Variants in CTNNA3 observed in about 807,000 individuals in gnomAD.
CTNNA3 encodes catenin alpha-3.
A neutral mutation model predicts 95.7 loss-of-function variants in CTNNA3; 76 were observed. That is an observed-to-expected ratio of 0.79 (90% confidence interval 0.66 to 0.96). CTNNA3 has a LOEUF of 0.96. Among genes scored for constraint, CTNNA3 ranks in the 40% least tolerant of loss-of-function variants. The probability of loss-of-function intolerance (pLI) is 0.00; values close to 1 mark genes in which losing one functional copy is unlikely to be tolerated. For synonymous variants in CTNNA3, 431 were observed against 374.4 expected, an observed-to-expected ratio of 1.15 and a Z score of -1.74; for missense variants, 1,191 against 1,089.8, an observed-to-expected ratio of 1.09 and a Z score of -1.31.
chr10:66,424,010 C>T (rs1050335505), intron 11 of CTNNA3, among the ~76,000 whole-genome samples: 1 of 152,080 alleles, frequency 6.6e-6, no homozygotes, highest in Non-Finnish European at 1.5e-5. Flanking sequence ...TTCTACTTTA[C>T]TTGTCTATTT....
chr10:67,157,542 T>C (rs527611680), intron 7 of CTNNA3, among the ~76,000 whole-genome samples: 2 of 152,198 alleles, frequency 1.3e-5, no homozygotes, highest in Non-Finnish European at 2.9e-5. Flanking sequence ...GACTAGGTCC[T>C]ACAGTAAATA....
Position 66,201,790 on chromosome 10 carries a change from T to TC in CTNNA3, c.1884+78679_1884+78680insG, listed in dbSNP as rs1343299989. ...GCTGTCTTTTTACTTTTTCTTTTTT[T>TC]TTTTTTTTTTTTTTTGAGATAGAGT... On this transcript the variant is annotated intron_variant, in intron 13 of 17. Transcript: ENST00000433211. 9.9e-4 allele frequency among the ~76,000 whole-genome samples: 137 copies of TC among 138,740 alleles called. 1 individual carries two copies. The highest frequency in any genetic ancestry group is 3.4e-3 in the African/African-American group (132 of 38,352). 91.0% of individuals were successfully genotyped at this position (138,740 alleles called of 152,430 possible).
intron 5 of CTNNA3, among the ~76,000 whole-genome samples, chr10:67,368,284 A>G (rs1263851577): frequency 2.0e-5 from 3 of 152,162 alleles, no homozygotes; most frequent in Non-Finnish European, 4.4e-5. Context: ...TTATTAAGGA[A>G]ATAGAAGTTA....
intron 7 of CTNNA3, among the ~76,000 whole-genome samples, chr10:66,864,460 G>A (rs1359384198): frequency 6.6e-6 from 1 of 152,104 alleles, no homozygotes; most frequent in Non-Finnish European, 1.5e-5. Context: ...CCATCCTCCA[G>A]AACTATCAGA....
At chr10:67,542,504 A>G (rs542582782) in intron 3 of CTNNA3, among the ~76,000 whole-genome samples, 1 of 152,226 alleles carries the variant, frequency 6.6e-6, no homozygotes, top group African/African-American at 2.4e-5. Flanking sequence ...ATATGAATGA[A>G]CATTATTCAA....
intron 13 of CTNNA3, among the ~76,000 whole-genome samples, chr10:66,145,568 T>C: frequency 6.6e-6 from 1 of 152,136 alleles, no homozygotes; most frequent in East Asian, 1.9e-4. Flanking sequence ...TAGGTCCTTC[T>C]TGGTGAAGAA....
intron 9 of CTNNA3, among the ~76,000 whole-genome samples, chr10:66,650,833 A>C (rs561282286): frequency 6.6e-6 from 1 of 152,232 alleles, no homozygotes; most frequent in African/African-American, 2.4e-5. Context: ...CTTCACAGTG[A>C]GTGTTACAGC....
At chr10:66,805,558 T>C (rs1841606618) in intron 7 of CTNNA3, among the ~76,000 whole-genome samples, 1 of 150,500 alleles carries the variant, frequency 6.6e-6, no homozygotes, top group Non-Finnish European at 1.5e-5. Context: ...TACAAGTAAA[T>C]AATAATGGTA....
At chr10:67,727,357 TAC>T (rs1398932769) in intron 1 of CTNNA3, among the ~76,000 whole-genome samples, 42 of 132,596 alleles carry the variant, frequency 3.2e-4, no homozygotes, top group African/African-American at 1.1e-3. Flanking sequence ...ATATATCATA[TAC>T]ATATATGTAT....
At position 66,265,156 on chromosome 10, in the gene CTNNA3, C is replaced by T. The variant is rs533344424; in HGVS notation, c.1884+15314G>A. ...TTAAAATGCTTCTCTAATTTTCCCA[C>T]CTTGAGTTATCCACATATTGGCCAA... On this transcript the variant is annotated intron_variant, in intron 13 of 17. Coordinates refer to ENST00000433211, the MANE Select transcript of CTNNA3 (RefSeq NM_013266.4). Among the ~76,000 whole-genome samples, 29 of 152,120 alleles carry T rather than the reference C, an allele frequency of 1.9e-4. No homozygotes were observed. The South Asian group carries it at 6.0e-3, about 32-fold the overall frequency.
intron 13 of CTNNA3, among the ~76,000 whole-genome samples, chr10:66,171,269 T>TA (rs1301908495): frequency 3.3e-4 from 49 of 149,164 alleles, no homozygotes; most frequent in African/African-American, 1.1e-3. Context: ...TAGCCTTTAT[T>TA]TAAAAAAAAA....
At chr10:67,230,733 A>G (rs1865152744) in intron 5 of CTNNA3, among the ~76,000 whole-genome samples, 2 of 152,220 alleles carry the variant, frequency 1.3e-5, no homozygotes, top group African/African-American at 2.4e-5. Context: ...CGCAGAAGAC[A>G]GGTGATTTCT....
At chr10:67,279,553 T>TAAGGAGAGCAGAGTTCATTGGGC (rs1354121111) in intron 5 of CTNNA3, among the ~76,000 whole-genome samples, 3 of 138,768 alleles carry the variant, frequency 2.2e-5, no homozygotes, top group African/African-American at 5.5e-5. Context: ...GTCAATTAGG[T>TAAGGAGAGCAGAGTTCATTGGGC]ATTTGTCTTG....
At chr10:67,391,710 T>G (rs1289527929) in intron 5 of CTNNA3, among the ~76,000 whole-genome samples, 1 of 148,450 alleles carries the variant, frequency 6.7e-6, no homozygotes, top group South Asian at 2.2e-4. Flanking sequence ...AACAGAGATA[T>G]AGATCAATGG....
intron 15 of CTNNA3, among the ~76,000 whole-genome samples, chr10:65,989,662 A>G (rs567796111): frequency 2.0e-5 from 3 of 152,314 alleles, no homozygotes; most frequent in African/African-American, 7.2e-5. Flanking sequence ...GTAATGATTA[A>G]GTAATGTTAT....
At chr10:66,504,741 A>C (rs1439387320) in intron 11 of CTNNA3, among the ~76,000 whole-genome samples, 1 of 152,192 alleles carries the variant, frequency 6.6e-6, no homozygotes, top group Non-Finnish European at 1.5e-5. Context: ...AAATAACTGA[A>C]TACACATAAA....
At chr10:65,934,426 A>G (rs1203113108) in intron 17 of CTNNA3, among the ~76,000 whole-genome samples, 2 of 151,692 alleles carry the variant, frequency 1.3e-5, no homozygotes, top group African/African-American at 2.4e-5. Flanking sequence ...GCACTGGCTT[A>G]TCTAACTCCC....
intron 10 of CTNNA3, among the ~76,000 whole-genome samples, chr10:66,558,500 T>G (rs1383977277): frequency 6.6e-6 from 1 of 152,134 alleles, no homozygotes; most frequent in African/African-American, 2.4e-5. Flanking sequence ...GATGAAAAAT[T>G]TAAGTAGTAC....
chr10:66,494,110 G>A (rs1341250247), intron 11 of CTNNA3, among the ~76,000 whole-genome samples: 2 of 150,986 alleles, frequency 1.3e-5, no homozygotes, highest in Non-Finnish European at 2.9e-5. Flanking sequence ...GTTTTGCCAT[G>A]TTGGCCAGGC....
Sources: allele counts gnomAD v4.1 joint callset (sites outside exome capture counted in the v4.1 genomes callset), GRCh38; gene constraint gnomAD v4.1.1; transcripts MANE v1.5; gene names NCBI Gene and HGNC (gene_info 2026-07-23, HGNC 2026-07-21).